The following RPRD2 variants were observed in gnomAD, a reference collection of about 807,000 sequenced individuals.
RPRD2 encodes the protein regulation of nuclear pre-mRNA domain containing 2, also known as regulation of nuclear pre-mRNA domain-containing protein 2.
In RPRD2, 12 loss-of-function variants were observed where a neutral mutation model predicts 104.4. That is an observed-to-expected ratio of 0.11 (90% CI 0.07 to 0.19). The LOEUF is 0.19. RPRD2 is among the 10% of genes least tolerant of loss of function. RPRD2 has a pLI of 1.00. For missense variants in RPRD2, 1,543 were observed against 1,790.1 expected, an observed-to-expected ratio of 0.86 and a Z score of 2.49; for synonymous variants, 714 against 684.9, an observed-to-expected ratio of 1.04 and a Z score of -0.66.
At chr1:150,433,439 A>ATTTTTTTTT (rs58544799) in intron 2 of RPRD2, among the ~76,000 whole-genome samples, 7 of 90,396 alleles carry the variant, frequency 7.7e-5, no homozygotes, top group Non-Finnish European at 1.0e-4. Flanking sequence ...CACAGACATA[A>ATTTTTTTTT]TTTTTTTTTT....
chr1:150,473,431 A>AT lies in RPRD2; in HGVS notation c.*107dup, dbSNP rs944266560. On this transcript the variant is annotated 3_prime_UTR_variant, in exon 11 of 11. Transcript: ENST00000369068. ...GTTTTTATTTGTTTTCTCTTTCTCGATTTTTTTTTTATTATAACAAAGGGC... is the reference window on the plus strand; with the variant it reads ...GTTTTTATTTGTTTTCTCTTTCTCGATTTTTTTTTTTATTATAACAAAGGGC... 4,011 of 1,171,982 alleles carry AT rather than the reference A, an allele frequency of 3.4e-3. 1 individual carries two copies. Among genetic ancestry groups the AT allele is most frequent in the Non-Finnish European group, 3.9e-3 (3,369 of 863,800 alleles). 72.6% of individuals were successfully genotyped at this position (1,171,982 alleles called of 1,614,324 possible). A position where few individuals can be genotyped will look rare whatever the true frequency, so the allele number is the denominator to read the frequency against.
At position 150,457,420 on chromosome 1, in the gene RPRD2, G is replaced by C. The variant is rs1667608901; in HGVS notation, c.1003G>C (p.Glu335Gln). Reference sequence around the variant, plus strand: ...GGACGCTCCCTCCCCGACTGGTTCTGAGTCTCCTTTTCAGGGAATGGGAGG... The same window carrying C: ...GGACGCTCCCTCCCCGACTGGTTCTCAGTCTCCTTTTCAGGGAATGGGAGG... The part of the protein sequence containing the change: ...SMDAPSPTGS[E>Q]SPFQGMGGEE... Residue 335 changes from glutamate to glutamine, a missense_variant, in exon 8 of 11, where the codon GAG becomes CAG. This residue lies in a region of RPRD2 where 572 missense variants were observed against 787.3 expected (regional missense o/e 0.73). Transcript: ENST00000369068. The C allele has an allele frequency of 6.2e-7, 1 of 1,613,918 alleles. No individual in the cohort carries two copies. Among genetic ancestry groups the C allele is most frequent in the Non-Finnish European group, 8.5e-7 (1 of 1,179,888 alleles).
chr1:150,409,736 C>T (rs1280000084), intron 1 of RPRD2, among the ~76,000 whole-genome samples: 1 of 150,862 alleles, frequency 6.6e-6, no homozygotes, highest in African/African-American at 2.4e-5. Flanking sequence ...GTAACCTCCG[C>T]CTCTGGGTTC....
At chr1:150,457,246 C>T (rs782190367) in intron 7 of RPRD2, 42 bp from the exon 8 acceptor site, 2 of 1,571,356 alleles carry the variant, frequency 1.3e-6, no homozygotes, top group Non-Finnish European at 1.7e-6. Context: ...TGTTAACTTT[C>T]TGGTCTTTTT....
intron 1 of RPRD2, among the ~76,000 whole-genome samples, chr1:150,384,495 G>GTTATTATTATT (rs1560155022): frequency 1.0e-3 from 136 of 131,418 alleles, no homozygotes; most frequent in African/African-American, 3.5e-3. Context: ...TTATTATTAG[G>GTTATTATTATT]GATGGAGCTC....
At position 150,475,204 on chromosome 1, in the gene RPRD2, T is replaced by C. The variant is rs1029136353; in HGVS notation, c.*1870T>C. The C allele has an allele frequency of 2.6e-5, 4 of 152,134 alleles. No individual in the cohort carries two copies. The highest frequency in any genetic ancestry group is 4.4e-5 in the Non-Finnish European group (3 of 68,026). The allele number at this position is 152,134 out of a possible 1,614,324, so 9.4% of individuals were successfully genotyped here. ...TAGCAAAGAAAAGAAAGTATAGTTA[T>C]ATTGAGTCCTAAGACATTTGTTAGG... On this transcript the variant is annotated 3_prime_UTR_variant, in exon 11 of 11. Coordinates refer to ENST00000369068, the MANE Select transcript of RPRD2 (RefSeq NM_015203.5).
intron 1 of RPRD2, among the ~76,000 whole-genome samples, chr1:150,414,374 A>G (rs782579996): frequency 1.1e-4 from 17 of 152,232 alleles, no homozygotes; most frequent in Admixed American, 2.6e-4. Flanking sequence ...AAGTAATGTA[A>G]AAGACTCCAA....
At chr1:150,384,935 C>T (rs1231128246) in intron 1 of RPRD2, among the ~76,000 whole-genome samples, 11 of 151,944 alleles carry the variant, frequency 7.2e-5, no homozygotes, top group Non-Finnish European at 1.3e-4. Context: ...AAAAATCACT[C>T]AGCCCAGGAG....
intron 1 of RPRD2, among the ~76,000 whole-genome samples, chr1:150,384,473 T>C (rs1376226204): frequency 7.1e-6 from 1 of 140,942 alleles, no homozygotes; most frequent in Non-Finnish European, 1.5e-5. Context: ...ATTATTATTA[T>C]TATTATTATT....
chr1:150,466,543 C>CA (rs56756923), intron 10 of RPRD2, among the ~76,000 whole-genome samples: 82 of 109,040 alleles, frequency 7.5e-4, no homozygotes, highest in East Asian at 5.1e-3. Flanking sequence ...GACCCTGCCT[C>CA]AAAAAAAAAA....
At chr1:150,388,616 ATTT>A (rs71086505) in intron 1 of RPRD2, among the ~76,000 whole-genome samples, 5 of 137,256 alleles carry the variant, frequency 3.6e-5, no homozygotes, top group African/African-American at 2.7e-5. Context: ...TTGATATGTA[ATTT>A]TTTTTTTTTT....
chr1:150,457,347 G>A lies in RPRD2; in HGVS notation c.930G>A (p.Lys310=), dbSNP rs1667604326. 2 of 1,608,748 alleles carry A rather than the reference G, an allele frequency of 1.2e-6. No homozygotes were observed. Among genetic ancestry groups the A allele is most frequent in the Non-Finnish European group, 8.5e-7 (1 of 1,175,116 alleles). The change falls in exon 8 of 11, where the codon AAG becomes AAA. Residue 310 remains lysine, a synonymous_variant. Transcript: ENST00000369068. The part of the protein sequence containing the change: ...NNLKKKLDQL[K]STLPDPEESP... ...TAAAGAAGAAGTTGGATCAATTGAAGTCAACCCTTCCAGATCCTGAAGAAT... is the reference window on the plus strand; with the variant it reads ...TAAAGAAGAAGTTGGATCAATTGAAATCAACCCTTCCAGATCCTGAAGAAT...
chr1:150,467,466 C>T (rs782376345), intron 10 of RPRD2, among the ~76,000 whole-genome samples: 25 of 151,520 alleles, frequency 1.6e-4, no homozygotes, highest in Non-Finnish European at 2.9e-4. Flanking sequence ...CTCTGCCTCT[C>T]GGGTTCAAGT....
intron 2 of RPRD2, among the ~76,000 whole-genome samples, chr1:150,430,883 C>T (rs1553891527): frequency 6.6e-6 from 1 of 151,338 alleles, no homozygotes. Flanking sequence ...GCTGAGATCG[C>T]GCCGTTGCAC....
intron 1 of RPRD2, among the ~76,000 whole-genome samples, chr1:150,409,955 G>GT (rs1359567404): frequency 2.0e-5 from 3 of 152,036 alleles, no homozygotes; most frequent in African/African-American, 4.8e-5. Flanking sequence ...TGATGTTGCA[G>GT]TTTTAAGTAA....
intron 4 of RPRD2, 129 bp from the exon 5 acceptor site, chr1:150,443,102 G>T: frequency 1.6e-6 from 1 of 616,814 alleles, no homozygotes; most frequent in Non-Finnish European, 2.9e-6. Flanking sequence ...TTTATTTTAG[G>T]AATTATGACT....
chr1:150,471,955 A>G lies in RPRD2; in HGVS notation c.3007A>G (p.Thr1003Ala). The G allele has an allele frequency of 1.2e-5, 19 of 1,613,758 alleles. No individual in the cohort carries two copies. The highest frequency in any genetic ancestry group is 1.5e-5 in the Non-Finnish European group (18 of 1,179,854). The part of the protein sequence containing the change: ...VEKVLASTIS[T>A]TSTIEFKNML... ...GAAAGTCCTGGCCTCCACCATTTCC[A>G]CCACGTCGACGATTGAATTTAAGAA... Residue 1003 changes from threonine to alanine, a missense_variant, in exon 11 of 11, where the codon ACC (threonine) becomes GCC (alanine). Physicochemically the swap from Thr to Ala is moderately conservative, Grantham distance 58. Transcript: ENST00000369068. The surrounding 1 kb of genome is among the most constrained non-coding windows in gnomAD (Gnocchi z 5.3).
chr1:150,471,505 C>G lies in RPRD2; in HGVS notation c.2557C>G (p.Pro853Ala), dbSNP rs759467463. 15 of 1,613,842 alleles carry G rather than the reference C, an allele frequency of 9.3e-6. No individual in the cohort carries two copies. The Admixed American group carries it at 1.8e-4, about 20-fold the overall frequency. Residue 853 changes from proline (P) to alanine (A), a missense_variant, in exon 11 of 11, where the codon CCA (proline) becomes GCA (alanine). Physicochemically the swap from Pro to Ala is conservative, Grantham distance 27. Transcript: ENST00000369068. The surrounding 1 kb of genome is among the most constrained non-coding windows in gnomAD (Gnocchi z 5.3). ...PSAMMNLEKK[P>A]AKSILKSSKL... ...TGCCATGATGAACCTAGAGAAGAAA[C>G]CAGCCAAATCTATCCTGAAATCAAG...
Position 150,472,508 on chromosome 1 carries a change from A to G in RPRD2, c.3560A>G (p.Asn1187Ser). Residue 1187 changes from asparagine (N) to serine (S), a missense_variant, in exon 11 of 11, where the codon AAC becomes AGC. This residue lies in a region of RPRD2 where 880 missense variants were observed against 885.6 expected (regional missense o/e 0.99). Coordinates refer to ENST00000369068, the MANE Select transcript of RPRD2 (RefSeq NM_015203.5). Reference sequence around the variant, plus strand: ...GGCAGCTTTCGTTCCAACAGTTTCAACTCAACATTTGAGCATCATCTTCCC... The same window carrying G: ...GGCAGCTTTCGTTCCAACAGTTTCAGCTCAACATTTGAGCATCATCTTCCC... ...SVGSFRSNSFNSTFEHHLPPS... is the reference protein window; with the variant it reads ...SVGSFRSNSFSSTFEHHLPPS... 1.2e-6 allele frequency: 2 copies of G among 1,613,770 alleles called. No homozygotes were observed. Among genetic ancestry groups the G allele is most frequent in the African/African-American group, 1.3e-5 (1 of 74,948 alleles).
Sources: allele counts gnomAD v4.1 joint callset (sites outside exome capture counted in the v4.1 genomes callset), GRCh38; gene constraint gnomAD v4.1.1; regional missense constraint gnomAD v4.1.1; non-coding constraint Gnocchi (gnomAD v3.1); transcripts MANE v1.5; gene names NCBI Gene and HGNC (gene_info 2026-07-23, HGNC 2026-07-21).